Variants in NEMP2 observed in about 807,000 individuals in gnomAD.
The protein encoded by NEMP2 is UPF0571 transmembrane protein.
Under a neutral mutation model 54.2 loss-of-function variants are expected in NEMP2, and 53 were observed. The observed-to-expected ratio is 0.98, with a 90% CI of 0.78 to 1.23. The LOEUF is 1.23. NEMP2 is among the 50% of genes most tolerant of loss of function. NEMP2 has a pLI of 0.00. For missense variants in NEMP2, 455 were observed against 511.3 expected, an observed-to-expected ratio of 0.89 and a Z score of 1.06; for synonymous variants, 197 against 190.3, an observed-to-expected ratio of 1.04 and a Z score of -0.29.
the NEMP2 span, among the ~76,000 whole-genome samples, chr2:190,460,101 T>C: frequency 6.6e-6 from 1 of 152,196 alleles, no homozygotes; most frequent in Non-Finnish European, 1.5e-5. Flanking sequence ...TGAGATAGGC[T>C]TGTGGTGAGC....
the NEMP2 span, among the ~76,000 whole-genome samples, chr2:190,450,206 A>T: frequency 1.8e-3 from 281 of 152,242 alleles, 4 homozygotes; most frequent in African/African-American, 6.6e-3. Context: ...AGTCTTAACT[A>T]ATTGGGCTAA....
At chr2:190,468,581 T>C in the NEMP2 span, among the ~76,000 whole-genome samples, 1 of 151,278 alleles carries the variant, frequency 6.6e-6, no homozygotes, top group African/African-American at 2.4e-5. Context: ...GCCTCCCAAG[T>C]AGCTGGGACT....
chr2:190,502,710 T>C (rs1482618944), downstream of NEMP2, among the ~76,000 whole-genome samples: 2 of 152,158 alleles, frequency 1.3e-5, no homozygotes, highest in South Asian at 2.1e-4. This position sits in a 1 kb window ranked among gnomAD's most constrained non-coding sequence, Gnocchi z 4.4. Flanking sequence ...ACTGAGACCA[T>C]TACTTAGGCA....
At chr2:190,618,275 C>T in the NEMP2 span, among the ~76,000 whole-genome samples, 1 of 152,130 alleles carries the variant, frequency 6.6e-6, no homozygotes, top group African/African-American at 2.4e-5. Flanking sequence ...TCAGTTCTTC[C>T]CCTTTGCCAG....
intron 1 of NEMP2, among the ~76,000 whole-genome samples, chr2:190,532,662 ATT>A (rs1691188047): frequency 1.3e-5 from 2 of 152,310 alleles, no homozygotes; most frequent in South Asian, 4.1e-4. Context: ...TCAAGACAAA[ATT>A]TTAGAACAGG....
chr2:190,578,973 C>T, the NEMP2 span, among the ~76,000 whole-genome samples: 1 of 152,150 alleles, frequency 6.6e-6, no homozygotes, highest in Non-Finnish European at 1.5e-5. This position sits in a 1 kb window ranked among gnomAD's most constrained non-coding sequence, Gnocchi z 4.4. Context: ...GACACAGTTT[C>T]TGGATTTTTA....
chr2:190,536,880 C>T (rs1691393815), upstream of NEMP2, among the ~76,000 whole-genome samples: 1 of 152,206 alleles, frequency 6.6e-6, no homozygotes, highest in African/African-American at 2.4e-5. Context: ...GACTCAACTA[C>T]CCACATTATT....
the NEMP2 span, among the ~76,000 whole-genome samples, chr2:190,572,060 C>T: frequency 6.6e-6 from 1 of 152,124 alleles, no homozygotes; most frequent in African/African-American, 2.4e-5. Context: ...AAAGCCATTT[C>T]TATGTGCTGC....
chr2:190,442,476 C>A, the NEMP2 span: 1 of 152,008 alleles, frequency 6.6e-6, no homozygotes, highest in Non-Finnish European at 1.5e-5. Context: ...TTCCTCCCTG[C>A]TTTGAATGTT....
At chr2:190,516,751 T>C (rs892098087) in intron 5 of NEMP2, among the ~76,000 whole-genome samples, 1 of 152,242 alleles carries the variant, frequency 6.6e-6, no homozygotes, top group African/African-American at 2.4e-5. Flanking sequence ...ACTGCAACAC[T>C]ACCAACATGA....
the NEMP2 span, among the ~76,000 whole-genome samples, chr2:190,476,082 A>C: frequency 6.6e-6 from 1 of 152,208 alleles, no homozygotes; most frequent in Non-Finnish European, 1.5e-5. Context: ...TAAAGACTTA[A>C]ATGTTAGACC....
At chr2:190,488,157 T>C in the NEMP2 span, among the ~76,000 whole-genome samples, 1 of 152,208 alleles carries the variant, frequency 6.6e-6, no homozygotes, top group African/African-American at 2.4e-5. The surrounding 1 kb of genome is among the most constrained non-coding windows in gnomAD (Gnocchi z 6.4). Flanking sequence ...CGCCTCGGCC[T>C]CCCAAAGTGC....
At chr2:190,449,343 G>A in the NEMP2 span, among the ~76,000 whole-genome samples, 6 of 151,934 alleles carry the variant, frequency 3.9e-5, no homozygotes, top group Non-Finnish European at 2.9e-5. Context: ...GCATGGTGGC[G>A]GGCACTTGTA....
the NEMP2 span, among the ~76,000 whole-genome samples, chr2:190,460,667 G>A: frequency 6.6e-6 from 1 of 152,320 alleles, no homozygotes; most frequent in Admixed American, 6.5e-5. Flanking sequence ...AGTGTTGTGA[G>A]GAGAGGCACG....
Position 190,528,689 on chromosome 2 carries a change from T to C in NEMP2, c.98-3311A>G, listed in dbSNP as rs1691033381. 6.6e-6 allele frequency among the ~76,000 whole-genome samples: 1 copy of C among 152,176 alleles called. No homozygotes were observed. Among genetic ancestry groups the C allele is most frequent in the African/African-American group, 2.4e-5 (1 of 41,442 alleles). ...GCTACTTCAAGGGCTAAATCAACTC[T>C]CATAGAACAGTTCCCTTTTGTTAAT... On this transcript the variant is annotated intron_variant, in intron 1 of 8. Coordinates refer to ENST00000409150, the MANE Select transcript of NEMP2 (RefSeq NM_001142645.2). This position sits in a 1 kb window ranked among gnomAD's most constrained non-coding sequence, Gnocchi z 4.3.
intron 1 of NEMP2, 142 bp downstream of exon 1, chr2:190,534,417 G>C: frequency 8.2e-7 from 1 of 1,219,604 alleles, no homozygotes; most frequent in Non-Finnish European, 1.0e-6. Context: ...GCCTGCCCGG[G>C]AGACCCCAAA....
At position 190,519,497 on chromosome 2, in the gene NEMP2, C is replaced by T. The variant is rs1161757011; in HGVS notation, c.214-314G>A. Among the ~76,000 whole-genome samples, 1 of 152,134 alleles carries T rather than the reference C, an allele frequency of 6.6e-6. No individual in the cohort carries two copies. Among genetic ancestry groups the T allele is most frequent in the East Asian group, 1.9e-4 (1 of 5,180 alleles). On this transcript the variant is annotated intron_variant, in intron 2 of 8. Coordinates refer to ENST00000409150, the MANE Select transcript of NEMP2 (RefSeq NM_001142645.2). This position sits in a 1 kb window ranked among gnomAD's most constrained non-coding sequence, Gnocchi z 5.4. ...CAGCCTCCCAAAGTGCTGGGATTAC[C>T]GGCATGAGCCACTGCATCCAGCCAA...
chr2:190,626,872 A>G, the NEMP2 span: 3 of 152,348 alleles, frequency 2.0e-5, no homozygotes, highest in Non-Finnish European at 2.9e-5. The surrounding 1 kb of genome is among the most constrained non-coding windows in gnomAD (Gnocchi z 4.5). Context: ...TTTAATGGTA[A>G]TAGGAATCAC....
chr2:190,509,305 C>A lies in NEMP2; in HGVS notation c.1138G>T (p.Asp380Tyr). ...SRLHTPSKFA[D>Y]FVLGGSHLSP... ...AAGTGGCTTCCTCCAAGAACAAAGTCTGCAAATCTAACAAGTTTTTTGTTT... is the reference window on the plus strand; with the variant it reads ...AAGTGGCTTCCTCCAAGAACAAAGTATGCAAATCTAACAAGTTTTTTGTTT... The change falls in exon 9 of 9, where the codon GAC becomes TAC. Residue 380 changes from aspartate (D) to tyrosine (Y), a missense_variant. Physicochemically the swap from Asp to Tyr is radical, Grantham distance 160. Transcript: ENST00000409150. The surrounding 1 kb of genome is among the most constrained non-coding windows in gnomAD (Gnocchi z 6.1). 6.4e-7 allele frequency: 1 copy of A among 1,551,640 alleles called. No homozygotes were observed. The highest frequency in any genetic ancestry group is 8.7e-7 in the Non-Finnish European group (1 of 1,146,980).
Sources: gnomAD v4.1 joint callset for allele counts (sites outside exome capture counted in the v4.1 genomes callset) on GRCh38, gnomAD v4.1.1 for gene constraint, Gnocchi (gnomAD v3.1) non-coding constraint, MANE v1.5 for transcripts, NCBI Gene and HGNC (gene_info 2026-07-23, HGNC 2026-07-21) for gene names.